RANBP2: variants seen among roughly 807,000 people sequenced by gnomAD.
The protein encoded by RANBP2 is RAN binding protein 2.
A neutral mutation model predicts 303.6 loss-of-function variants in RANBP2; 57 were observed. That is an observed-to-expected ratio of 0.19 (90% CI 0.15 to 0.23). The LOEUF is 0.23. RANBP2 is among the 10% of genes least tolerant of loss of function. The pLI is 1.00. For synonymous variants in RANBP2, 1,167 were observed against 1,301.5 expected (o/e 0.90, Z 2.23); for missense variants, 3,138 against 3,780.8 (o/e 0.83, Z 4.46).
chr2:109,391,177 G>T, the RANBP2 span, among the ~76,000 whole-genome samples: 4 of 152,204 alleles, frequency 2.6e-5, no homozygotes, highest in African/African-American at 7.2e-5. Flanking sequence ...CAGGCTTTAC[G>T]TGCAAAATTA....
chr2:109,577,637 G>A, the RANBP2 span, among the ~76,000 whole-genome samples: 80 of 151,206 alleles, frequency 5.3e-4, no homozygotes, highest in African/African-American at 1.8e-3. Context: ...GAACTCGGTC[G>A]GATAGTGGCT....
the RANBP2 span, among the ~76,000 whole-genome samples, chr2:108,944,461 C>G: frequency 6.6e-6 from 1 of 152,222 alleles, no homozygotes; most frequent in Non-Finnish European, 1.5e-5. Flanking sequence ...TTGACTATGG[C>G]TGCGGCAACA....
chr2:109,084,706 G>A, the RANBP2 span, among the ~76,000 whole-genome samples: 1 of 152,128 alleles, frequency 6.6e-6, no homozygotes. Context: ...ACAACACAAA[G>A]GGCGTTCCTC....
the RANBP2 span, among the ~76,000 whole-genome samples, chr2:109,629,320 TATATATATATATATATATATATATATATA>T: frequency 4.9e-3 from 19 of 3,872 alleles, no homozygotes; most frequent in African/African-American, 0.022. Context: ...TATATATATA[TATATATATATATATATATATATATATATA>T]TATATATTTT....
At chr2:109,263,970 AAAAG>A in the RANBP2 span, among the ~76,000 whole-genome samples, 1 of 152,222 alleles carries the variant, frequency 6.6e-6, no homozygotes, top group Non-Finnish European at 1.5e-5. Flanking sequence ...CTCCATCTCA[AAAAG>A]AAAGAAAGGA....
the RANBP2 span, among the ~76,000 whole-genome samples, chr2:109,393,545 T>G: frequency 7.2e-5 from 11 of 152,156 alleles, no homozygotes; most frequent in Non-Finnish European, 1.5e-4. Context: ...CAGTCCGTTT[T>G]GTTTTCCGAA....
At chr2:109,531,905 C>G in the RANBP2 span, among the ~76,000 whole-genome samples, 1 of 152,252 alleles carries the variant, frequency 6.6e-6, no homozygotes, top group Non-Finnish European at 1.5e-5. Context: ...ACCCACATAA[C>G]TGTAAAACCT....
At chr2:108,880,391 A>G in the RANBP2 span, among the ~76,000 whole-genome samples, 2 of 152,190 alleles carry the variant, frequency 1.3e-5, no homozygotes, top group Non-Finnish European at 2.9e-5. Flanking sequence ...AATCCTAACA[A>G]GTTATTTTGT....
the RANBP2 span, among the ~76,000 whole-genome samples, chr2:109,001,419 G>T: frequency 6.6e-6 from 1 of 152,214 alleles, no homozygotes; most frequent in Non-Finnish European, 1.5e-5. Flanking sequence ...CTCTCAGATG[G>T]GTGGCAGGCA....
the RANBP2 span, among the ~76,000 whole-genome samples, chr2:109,136,678 C>T: frequency 6.6e-6 from 1 of 152,150 alleles, no homozygotes; most frequent in East Asian, 1.9e-4. Context: ...CACGTGTTTA[C>T]ATTGTTAACT....
chr2:109,251,418 C>T, the RANBP2 span: 1 of 703,388 alleles, frequency 1.4e-6, no homozygotes, highest in Non-Finnish European at 2.7e-6. Context: ...ATGGAGTAGA[C>T]ACCATGAGCA....
chr2:108,872,689 C>G, the RANBP2 span, among the ~76,000 whole-genome samples: 1 of 152,136 alleles, frequency 6.6e-6, no homozygotes, highest in African/African-American at 2.4e-5. Context: ...GGGGGCTGCA[C>G]TCACACATGG....
At chr2:109,246,089 A>G in the RANBP2 span, among the ~76,000 whole-genome samples, 2 of 152,226 alleles carry the variant, frequency 1.3e-5, no homozygotes, top group Non-Finnish European at 2.9e-5. Context: ...AACATTGGGC[A>G]AGTTACTTAG....
the RANBP2 span, among the ~76,000 whole-genome samples, chr2:109,028,914 T>C: frequency 6.6e-6 from 1 of 152,166 alleles, no homozygotes; most frequent in Non-Finnish European, 1.5e-5. Flanking sequence ...GTCACGACTT[T>C]AGTTGTGATT....
chr2:108,878,140 A>G, the RANBP2 span, among the ~76,000 whole-genome samples: 1 of 152,272 alleles, frequency 6.6e-6, no homozygotes, highest in Non-Finnish European at 1.5e-5. Flanking sequence ...TCAACCTCAT[A>G]TCAAAAGCAC....
chr2:109,657,588 AT>A, the RANBP2 span, among the ~76,000 whole-genome samples: 1 of 152,196 alleles, frequency 6.6e-6, no homozygotes, highest in Non-Finnish European at 1.5e-5. Flanking sequence ...TGAAGTTTAA[AT>A]TGGCTATAAA....
chr2:109,522,203 T>C, the RANBP2 span, among the ~76,000 whole-genome samples: 1 of 152,036 alleles, frequency 6.6e-6, no homozygotes, highest in African/African-American at 2.4e-5. Flanking sequence ...GTGATCTGTG[T>C]CAATCCTAGC....
the RANBP2 span, among the ~76,000 whole-genome samples, chr2:109,409,291 CA>C: frequency 6.6e-6 from 1 of 152,196 alleles, no homozygotes; most frequent in Admixed American, 6.5e-5. Context: ...GCAGGGGCAG[CA>C]AACGTTCTAA....
the RANBP2 span, chr2:109,129,283 C>G: frequency 1.5e-6 from 1 of 660,744 alleles, no homozygotes; most frequent in Non-Finnish European, 2.6e-6. Flanking sequence ...ACAGGTGTAG[C>G]CCGCAGCCGC....
Sources: allele counts gnomAD v4.1 joint callset (sites outside exome capture counted in the v4.1 genomes callset), GRCh38; gene constraint gnomAD v4.1.1; transcripts MANE v1.5; gene names NCBI Gene and HGNC (gene_info 2026-07-23, HGNC 2026-07-21).